Variants in MAF observed in about 807,000 individuals in gnomAD.
MAF encodes transcription factor Maf.
MAF carries 10 observed loss-of-function variants against 22.0 expected under a neutral mutation model. That is an observed-to-expected ratio of 0.45 (90% CI 0.28 to 0.77). The LOEUF (loss-of-function observed/expected upper bound fraction) is 0.77, where lower values mean the gene tolerates loss of function less well. MAF is among the 30% of genes least tolerant of loss of function. MAF has a pLI of 0.12. For missense variants in MAF, 544 were observed against 548.4 expected, an observed-to-expected ratio of 0.99 and a Z score of 0.08; for synonymous variants, 337 against 255.8, an observed-to-expected ratio of 1.32 and a Z score of -3.03.
chr16:79,436,049 G>T, the MAF span, among the ~76,000 whole-genome samples: 1 of 152,186 alleles, frequency 6.6e-6, no homozygotes, highest in Non-Finnish European at 1.5e-5. Flanking sequence ...TTTGTAAAAA[G>T]AGCAAAGTCT....
At chr16:79,421,833 A>C in the MAF span, among the ~76,000 whole-genome samples, 1 of 152,182 alleles carries the variant, frequency 6.6e-6, no homozygotes, top group East Asian at 1.9e-4. Flanking sequence ...GCTGGAGTTC[A>C]GTGGCACAAT....
At chr16:79,327,878 A>G in the MAF span, among the ~76,000 whole-genome samples, 21,566 of 152,214 alleles carry the variant, frequency 0.14, 2,283 homozygotes, top group East Asian at 0.42. Flanking sequence ...TATCCTTTAC[A>G]GAGTGTTCTT....
the MAF span, chr16:79,205,231 CATTTATGGTGA>C: frequency 2.0e-5 from 3 of 152,190 alleles, no homozygotes; most frequent in African/African-American, 7.2e-5. Context: ...GAACCTGTTG[CATTTATGGTGA>C]TGGACTGGCA....
the MAF span, among the ~76,000 whole-genome samples, chr16:79,413,039 A>T: frequency 1.3e-5 from 2 of 152,086 alleles, no homozygotes; most frequent in Non-Finnish European, 2.9e-5. Flanking sequence ...TAGAGAAAAA[A>T]ATATTCCTAT....
At chr16:79,356,014 T>A in the MAF span, among the ~76,000 whole-genome samples, 1 of 152,108 alleles carries the variant, frequency 6.6e-6, no homozygotes, top group African/African-American at 2.4e-5. Context: ...GAGAGCCTCC[T>A]CTTCCTACAC....
At chr16:79,598,608 G>GTGTA in intron 1 of MAF, 177 bp downstream of exon 1, 1 of 1,496,562 alleles carries the variant, frequency 6.7e-7, no homozygotes, top group Non-Finnish European at 8.9e-7. Flanking sequence ...GTGTGTGTGT[G>GTGTA]TGGTGTGTGC....
chr16:79,464,817 G>C, the MAF span, among the ~76,000 whole-genome samples: 1 of 152,194 alleles, frequency 6.6e-6, no homozygotes, highest in African/African-American at 2.4e-5. Context: ...GGTTACAGCA[G>C]ATGGCGAATA....
At chr16:79,233,409 C>T in the MAF span, among the ~76,000 whole-genome samples, 17 of 151,936 alleles carry the variant, frequency 1.1e-4, no homozygotes, top group African/African-American at 3.1e-4. Flanking sequence ...TTACACTGGA[C>T]GCTAAGTGAT....
the MAF span, among the ~76,000 whole-genome samples, chr16:79,217,429 G>C: frequency 6.6e-6 from 1 of 152,162 alleles, no homozygotes; most frequent in Non-Finnish European, 1.5e-5. Context: ...ATGAGCTCTG[G>C]CTCTTCTCCT....
the MAF span, among the ~76,000 whole-genome samples, chr16:79,262,926 T>C: frequency 5.3e-5 from 8 of 152,202 alleles, no homozygotes; most frequent in African/African-American, 1.9e-4. Flanking sequence ...TAATGTATGT[T>C]TGCAGCAGAG....
the MAF span, chr16:79,206,727 T>C: frequency 6.0e-4 from 92 of 152,340 alleles, no homozygotes; most frequent in African/African-American, 2.0e-3. Context: ...TTAGCACTTA[T>C]TCCAAATTGA....
the MAF span, among the ~76,000 whole-genome samples, chr16:79,294,514 G>C: frequency 6.6e-6 from 1 of 152,294 alleles, no homozygotes; most frequent in African/African-American, 2.4e-5. Context: ...GCCACTGATA[G>C]AATTTGAAGC....
At chr16:79,384,824 G>A in the MAF span, among the ~76,000 whole-genome samples, 3 of 152,190 alleles carry the variant, frequency 2.0e-5, no homozygotes, top group East Asian at 3.9e-4. Flanking sequence ...TGAAGATTCA[G>A]AAGTTACACG....
chr16:79,586,038 A>C, intron 1 of MAF: 2 of 580,086 alleles, frequency 3.4e-6, no homozygotes, highest in South Asian at 4.5e-5. Context: ...ACTATCTATC[A>C]AAAGGGCAGA....
At chr16:79,416,174 A>G in the MAF span, among the ~76,000 whole-genome samples, 3 of 152,118 alleles carry the variant, frequency 2.0e-5, no homozygotes, top group African/African-American at 7.2e-5. Flanking sequence ...GCTCACTGCT[A>G]ATAGTTAGAC....
the MAF span, among the ~76,000 whole-genome samples, chr16:79,322,182 A>G: frequency 6.6e-6 from 1 of 152,152 alleles, no homozygotes; most frequent in African/African-American, 2.4e-5. Context: ...GCATTGAGCC[A>G]AGATCGCTCC....
At chr16:79,245,527 G>T in the MAF span, among the ~76,000 whole-genome samples, 1 of 152,066 alleles carries the variant, frequency 6.6e-6, no homozygotes, top group East Asian at 1.9e-4. Flanking sequence ...ACACCAGTTA[G>T]AATGGCGATC....
the MAF span, among the ~76,000 whole-genome samples, chr16:79,355,648 T>C: frequency 5.3e-4 from 80 of 152,304 alleles, 1 homozygote; most frequent in African/African-American, 1.9e-3. Context: ...TATGATTTCT[T>C]TGGAATCTAA....
chr16:79,287,455 C>T, the MAF span, among the ~76,000 whole-genome samples: 3 of 152,152 alleles, frequency 2.0e-5, no homozygotes, highest in South Asian at 2.1e-4. Flanking sequence ...CAGCAGCTGG[C>T]GGTAAAGACC....
Sources: gnomAD v4.1 joint callset for allele counts (sites outside exome capture counted in the v4.1 genomes callset) on GRCh38, gnomAD v4.1.1 for gene constraint, MANE v1.5 for transcripts, NCBI Gene and HGNC (gene_info 2026-07-23, HGNC 2026-07-21) for gene names.